The following PTPRD variants were observed in gnomAD, a reference collection of about 807,000 sequenced individuals.
PTPRD encodes protein tyrosine phosphatase receptor type D, also known as receptor-type tyrosine-protein phosphatase delta.
Under a neutral mutation model 214.5 loss-of-function variants are expected in PTPRD, and 34 were observed. The observed-to-expected ratio is 0.16, with a 90% CI of 0.12 to 0.21. The LOEUF is 0.21. Ranked by LOEUF, PTPRD falls within the 10% of genes least tolerant of loss-of-function variation. PTPRD has a pLI of 1.00. For missense variants in PTPRD, 2,545 were observed against 2,398.7 expected (o/e 1.06, Z -1.27); for synonymous variants, 1,128 against 845.7 (o/e 1.33, Z -5.79).
intron 5 of PTPRD, among the ~76,000 whole-genome samples, chr9:9,808,423 G>A (rs1431958602): frequency 6.6e-6 from 1 of 151,978 alleles, no homozygotes; most frequent in Non-Finnish European, 1.5e-5. Flanking sequence ...CCCCTTTCTA[G>A]GAACCTAATC....
At chr9:8,797,512 C>T (rs1351128569) in intron 11 of PTPRD, among the ~76,000 whole-genome samples, 2 of 152,182 alleles carry the variant, frequency 1.3e-5, no homozygotes, top group African/African-American at 4.8e-5. Flanking sequence ...TCTGCACCAT[C>T]ACACACTATG....
rs55766168 is a variant in PTPRD, at chr9:8,594,860, CTT to C, written c.352+38455_352+38456del. On this transcript the variant is annotated intron_variant, in intron 14 of 45. Coordinates refer to ENST00000381196, the MANE Select transcript of PTPRD (RefSeq NM_002839.4). ...GAATGAAATCATATATGTTTAACCC[CTT>C]TTTTTTTTTTTTTTTTTTGGGACAG... is the stretch of plus-strand genomic sequence containing the variant. Among the ~76,000 whole-genome samples, 86 of 130,560 alleles carry C rather than the reference CTT, an allele frequency of 6.6e-4. 1 individual carries two copies. The highest frequency in any genetic ancestry group is 9.3e-4 in the South Asian group (4 of 4,282). The allele number at this position is 130,560 out of a possible 152,430, so 85.7% of individuals were successfully genotyped here.
At chr9:9,836,498 T>C (rs1452458501) in intron 5 of PTPRD, among the ~76,000 whole-genome samples, 2 of 152,118 alleles carry the variant, frequency 1.3e-5, no homozygotes, top group African/African-American at 4.8e-5. Flanking sequence ...CTACCACTGA[T>C]AAATGCCAAA....
chr9:9,367,725 G>A (rs1178131779), intron 9 of PTPRD, among the ~76,000 whole-genome samples: 1 of 151,652 alleles, frequency 6.6e-6, no homozygotes, highest in Admixed American at 6.6e-5. Context: ...AATTTCCTGG[G>A]TGTGGAGAGG....
At chr9:9,277,549 C>T (rs1946138504) in intron 9 of PTPRD, among the ~76,000 whole-genome samples, 1 of 151,288 alleles carries the variant, frequency 6.6e-6, no homozygotes, top group Admixed American at 6.6e-5. Context: ...AGAAGGATCT[C>T]TTACCCAAAT....
At chr9:8,578,950 C>G (rs1007670966) in intron 14 of PTPRD, among the ~76,000 whole-genome samples, 2 of 152,156 alleles carry the variant, frequency 1.3e-5, no homozygotes, top group Non-Finnish European at 2.9e-5. Context: ...TCACTGATCT[C>G]AATTTATAAA....
chr9:10,224,138 A>C (rs566070786), intron 3 of PTPRD, among the ~76,000 whole-genome samples: 34 of 152,136 alleles, frequency 2.2e-4, no homozygotes, highest in African/African-American at 7.2e-4. Flanking sequence ...AAATATTAAG[A>C]AGGATAATCA....
At chr9:9,222,188 C>G (rs896621540) in intron 9 of PTPRD, among the ~76,000 whole-genome samples, 1 of 151,866 alleles carries the variant, frequency 6.6e-6, no homozygotes, top group Non-Finnish European at 1.5e-5. Context: ...AATTTAATAG[C>G]TTGACCTTTT....
intron 10 of PTPRD, among the ~76,000 whole-genome samples, chr9:9,150,573 C>T (rs542773788): frequency 4.0e-4 from 60 of 150,744 alleles, no homozygotes; most frequent in Admixed American, 2.2e-3. Flanking sequence ...CAGCAAACTC[C>T]ACCTTCTGGG....
intron 10 of PTPRD, 84 bp downstream of exon 10, chr9:9,183,220 G>A (rs559299021): frequency 3.3e-5 from 5 of 151,888 alleles, no homozygotes; most frequent in East Asian, 1.9e-4. Context: ...ACCAATATTC[G>A]TTGAGTTGAA....
intron 10 of PTPRD, among the ~76,000 whole-genome samples, chr9:9,134,310 T>C (rs1297330944): frequency 6.6e-6 from 1 of 151,214 alleles, no homozygotes; most frequent in East Asian, 2.0e-4. Context: ...CCTGACCTCA[T>C]GATCCACCCG....
intron 8 of PTPRD, among the ~76,000 whole-genome samples, chr9:9,424,628 G>C (rs1005997031): frequency 2.0e-5 from 3 of 152,114 alleles, no homozygotes; most frequent in Non-Finnish European, 4.4e-5. Flanking sequence ...GAAAGGCTAA[G>C]GGTGACTAAC....
chr9:9,491,670 C>A (rs1211828178), intron 8 of PTPRD, among the ~76,000 whole-genome samples: 6 of 151,888 alleles, frequency 4.0e-5, no homozygotes, highest in Non-Finnish European at 8.8e-5. Flanking sequence ...TGGAAAATAA[C>A]ACACTCTTAA....
intron 14 of PTPRD, among the ~76,000 whole-genome samples, chr9:8,532,192 T>C (rs188000117): frequency 9.3e-4 from 142 of 152,228 alleles, no homozygotes; most frequent in African/African-American, 3.1e-3. Context: ...TAGCCAGAGC[T>C]GTTACACGTT....
At chr9:9,421,816 A>G (rs954728575) in intron 8 of PTPRD, among the ~76,000 whole-genome samples, 3 of 152,132 alleles carry the variant, frequency 2.0e-5, no homozygotes, top group Non-Finnish European at 4.4e-5. Flanking sequence ...TTCTTGGCAC[A>G]TGGTGTGCAC....
intron 11 of PTPRD, among the ~76,000 whole-genome samples, chr9:8,737,910 A>G (rs970555886): frequency 2.0e-5 from 3 of 151,184 alleles, no homozygotes; most frequent in African/African-American, 7.3e-5. Flanking sequence ...CGGCCTCCCA[A>G]CGTGCTGGGA....
intron 7 of PTPRD, among the ~76,000 whole-genome samples, chr9:9,709,235 TTC>T (rs1221701473): frequency 6.6e-6 from 1 of 151,988 alleles, no homozygotes; most frequent in African/African-American, 2.4e-5. Flanking sequence ...ATATTTTTAT[TTC>T]TCTTTTGGAT....
At chr9:8,941,348 T>G (rs557394213) in intron 11 of PTPRD, among the ~76,000 whole-genome samples, 4 of 152,162 alleles carry the variant, frequency 2.6e-5, no homozygotes, top group African/African-American at 9.7e-5. Context: ...TACACACGTA[T>G]GTGAAATACA....
chr9:8,993,539 T>C (rs1461187205), intron 11 of PTPRD, among the ~76,000 whole-genome samples: 5 of 152,298 alleles, frequency 3.3e-5, no homozygotes, highest in East Asian at 3.9e-4. Context: ...ATGAGCCATA[T>C]GATCAAATGA....
Sources: gnomAD v4.1 joint callset for allele counts (sites outside exome capture counted in the v4.1 genomes callset) on GRCh38, gnomAD v4.1.1 for gene constraint, MANE v1.5 for transcripts, NCBI Gene and HGNC (gene_info 2026-07-23, HGNC 2026-07-21) for gene names.